Variants in GCNT1 observed in about 807,000 individuals in gnomAD.
GCNT1 encodes the protein glucosaminyl (N-acetyl) transferase 1.
GCNT1 carries 16 observed loss-of-function variants against 26.2 expected under a neutral mutation model. That is an observed-to-expected ratio of 0.61 (90% CI 0.41 to 0.93). GCNT1 has a LOEUF of 0.93. Ranked by LOEUF, GCNT1 falls within the 40% of genes least tolerant of loss-of-function variation. The pLI is 0.00. For missense variants in GCNT1, 477 were observed against 526.7 expected, an observed-to-expected ratio of 0.91 and a Z score of 0.92; for synonymous variants, 183 against 190.8, an observed-to-expected ratio of 0.96 and a Z score of 0.34.
chr9:76,396,236 A>AT, the GCNT1 span, among the ~76,000 whole-genome samples: 1 of 152,180 alleles, frequency 6.6e-6, no homozygotes, highest in Non-Finnish European at 1.5e-5. Context: ...AATGCTAAGT[A>AT]TTTTTCACAC....
chr9:76,471,719 G>A (rs1433049527), intron 2 of GCNT1, among the ~76,000 whole-genome samples: 2 of 152,146 alleles, frequency 1.3e-5, no homozygotes, highest in African/African-American at 2.4e-5. Context: ...CCTCTGTGCT[G>A]TATTCTCCTA....
chr9:76,466,455 G>A (rs1173906302), intron 2 of GCNT1, among the ~76,000 whole-genome samples: 1 of 152,124 alleles, frequency 6.6e-6, no homozygotes, highest in Admixed American at 6.5e-5. Flanking sequence ...ACAGCACTAC[G>A]CCTGGCTAAT....
the GCNT1 span, among the ~76,000 whole-genome samples, chr9:76,404,046 C>T: frequency 2.0e-5 from 3 of 152,166 alleles, no homozygotes; most frequent in Non-Finnish European, 2.9e-5. Flanking sequence ...AATTCCCCTT[C>T]TAAGGCAGGA....
chr9:76,478,173 C>T (rs946111916), intron 2 of GCNT1, among the ~76,000 whole-genome samples: 3 of 152,176 alleles, frequency 2.0e-5, no homozygotes, highest in African/African-American at 7.2e-5. Flanking sequence ...GCAACCTGCT[C>T]AGGTATCCTT....
intron 2 of GCNT1, among the ~76,000 whole-genome samples, chr9:76,463,870 C>G (rs536172041): frequency 3.3e-5 from 5 of 152,078 alleles, no homozygotes; most frequent in African/African-American, 1.2e-4. Flanking sequence ...AGGGACTGTT[C>G]AGGGAAGACC....
chr9:76,450,060 A>G (rs996293130), intron 1 of GCNT1, among the ~76,000 whole-genome samples: 13 of 152,214 alleles, frequency 8.5e-5, no homozygotes, highest in African/African-American at 2.9e-4. Context: ...GGTGTGAGCC[A>G]CTGCGCCCGG....
chr9:76,408,797 C>T, the GCNT1 span, among the ~76,000 whole-genome samples: 2 of 152,088 alleles, frequency 1.3e-5, no homozygotes, highest in African/African-American at 2.4e-5. Flanking sequence ...AAGCAATTCT[C>T]CTGCCTCAGC....
At position 76,503,755 on chromosome 9, in the gene GCNT1, T is replaced by C. The variant is rs1438792573; in HGVS notation, c.*87T>C. 1.9e-6 allele frequency: 2 copies of C among 1,061,672 alleles called. No individual in the cohort carries two copies. The highest frequency in any genetic ancestry group is 1.8e-5 in the Admixed American group (1 of 55,534). The allele number at this position is 1,061,672 out of a possible 1,614,324, so 65.8% of individuals were successfully genotyped here. A position where few individuals can be genotyped will look rare whatever the true frequency, so the allele number is the denominator to read the frequency against. ...CCCTTCCTTGTCAGCATCGGGAAGA[T>C]GGTATGAAGTCCTCTTTGGGGCAGG... On this transcript the variant is annotated 3_prime_UTR_variant, in exon 4 of 4. Coordinates refer to ENST00000376730, the MANE Select transcript of GCNT1 (RefSeq NM_001490.5).
intron 2 of GCNT1, among the ~76,000 whole-genome samples, chr9:76,471,436 C>T (rs928656673): frequency 1.3e-5 from 2 of 152,118 alleles, no homozygotes; most frequent in East Asian, 1.9e-4. Flanking sequence ...GGAATGTGCT[C>T]CTGCCTGGGG....
chr9:76,429,591 C>G (rs1306919213), intron 1 of GCNT1, among the ~76,000 whole-genome samples: 4 of 152,058 alleles, frequency 2.6e-5, no homozygotes, highest in Non-Finnish European at 1.5e-5. Flanking sequence ...TATGTGACAG[C>G]TGGAGTCTCT....
chr9:76,398,642 G>T, the GCNT1 span: 1 of 961,408 alleles, frequency 1.0e-6, no homozygotes, highest in Admixed American at 2.0e-5. Flanking sequence ...TACCTACAGA[G>T]GGGCCCATAC....
intron 1 of GCNT1, among the ~76,000 whole-genome samples, chr9:76,450,497 T>C (rs1221057398): frequency 2.6e-5 from 4 of 152,248 alleles, no homozygotes; most frequent in Admixed American, 6.5e-5. Context: ...AAATGCCTTC[T>C]AGAAAGTTTG....
At chr9:76,469,896 A>G (rs558286464) in intron 2 of GCNT1, among the ~76,000 whole-genome samples, 1 of 152,332 alleles carries the variant, frequency 6.6e-6, no homozygotes, top group South Asian at 2.1e-4. Context: ...TGTGAGGCCA[A>G]GAACCCCAGG....
chr9:76,475,068 C>T (rs1441065456), intron 2 of GCNT1, among the ~76,000 whole-genome samples: 1 of 152,190 alleles, frequency 6.6e-6, no homozygotes, highest in Non-Finnish European at 1.5e-5. Context: ...CCCGCCACCA[C>T]GCCCGGCTTT....
rs1475504753 is a variant in GCNT1, at chr9:76,502,766, G to T, written c.385G>T (p.Val129Phe). 1.9e-6 allele frequency: 3 copies of T among 1,614,122 alleles called. No homozygotes were observed. The African/African-American group carries it at 4.0e-5, about 22-fold the overall frequency. ...GTTTCCAATAGCATATTCTATAGTG[G>T]TTCATCACAAGATTGAAATGCTTGA... is the stretch of plus-strand genomic sequence containing the variant. ...AEFPIAYSIV[V>F]HHKIEMLDRL... Residue 129 changes from valine to phenylalanine, a missense_variant, in exon 4 of 4, where the codon GTT (valine) becomes TTT (phenylalanine). Coordinates refer to ENST00000376730, the MANE Select transcript of GCNT1 (RefSeq NM_001490.5).
chr9:76,447,756 T>G (rs1276709626), intron 1 of GCNT1, among the ~76,000 whole-genome samples: 2 of 152,246 alleles, frequency 1.3e-5, no homozygotes, highest in Non-Finnish European at 2.9e-5. Flanking sequence ...TCTTGTTCAT[T>G]TAGCATAGGC....
intron 1 of GCNT1, among the ~76,000 whole-genome samples, chr9:76,443,535 G>C (rs1413948636): frequency 6.6e-6 from 1 of 152,202 alleles, no homozygotes; most frequent in South Asian, 2.1e-4. Flanking sequence ...CCTTTAAGCG[G>C]TTTTCCACCC....
At position 76,502,500 on chromosome 9, in the gene GCNT1, T is replaced by C; in HGVS notation, c.119T>C (p.Phe40Ser). 6.2e-7 allele frequency: 1 copy of C among 1,613,970 alleles called. No individual in the cohort carries two copies. The highest frequency in any genetic ancestry group is 8.5e-7 in the Non-Finnish European group (1 of 1,179,842). ...SVLRIHQKPE[F>S]VSVRHLELAG... ...TTAAGGATTCATCAAAAGCCTGAAT[T>C]TGTAAGTGTCAGACACTTGGAGCTT... The change falls in exon 4 of 4, where the codon TTT (phenylalanine) becomes TCT (serine). Residue 40 changes from phenylalanine to serine, a missense_variant. Physicochemically the swap from Phe to Ser is radical, Grantham distance 155 (BLOSUM62 -2). Transcript: ENST00000376730.
chr9:76,396,914 G>T, the GCNT1 span, among the ~76,000 whole-genome samples: 4,709 of 152,238 alleles, frequency 0.031, 97 homozygotes, highest in Non-Finnish European at 0.048. Context: ...CTGAGCCCCA[G>T]AATTTGAGGC....
Sources: allele counts gnomAD v4.1 joint callset (sites outside exome capture counted in the v4.1 genomes callset), GRCh38; gene constraint gnomAD v4.1.1; transcripts MANE v1.5; gene names NCBI Gene and HGNC (gene_info 2026-07-23, HGNC 2026-07-21).